The following USH2A variants were observed in gnomAD, a reference collection of about 807,000 sequenced individuals.
USH2A encodes Usher syndrome 2A (autosomal recessive, mild).
A neutral mutation model predicts 538.9 loss-of-function variants in USH2A; 443 were observed. That is an observed-to-expected ratio of 0.82 (90% CI 0.76 to 0.89). The LOEUF (loss-of-function observed/expected upper bound fraction) is 0.89, where lower values mean the gene tolerates loss of function less well. Ranked by LOEUF, USH2A falls within the 40% of genes least tolerant of loss-of-function variation. The pLI is 0.00. For synonymous variants in USH2A, 2,413 were observed against 2,273.5 expected, an observed-to-expected ratio of 1.06 and a Z score of -1.75; for missense variants, 6,633 against 6,324.8, an observed-to-expected ratio of 1.05 and a Z score of -1.65.
intron 35 of USH2A, among the ~76,000 whole-genome samples, chr1:215,978,246 T>A (rs772916214): frequency 1.9e-4 from 29 of 152,212 alleles, no homozygotes; most frequent in Non-Finnish European, 3.4e-4. Context: ...TTGTTGTCAT[T>A]GCTGTAAAGA....
chr1:216,030,047 A>G (rs1376261528), intron 32 of USH2A, among the ~76,000 whole-genome samples: 4 of 146,276 alleles, frequency 2.7e-5, no homozygotes, highest in Non-Finnish European at 6.0e-5. Flanking sequence ...AATATATGGT[A>G]TATATGATAT....
intron 11 of USH2A, among the ~76,000 whole-genome samples, chr1:216,261,462 A>G (rs2036369987): frequency 6.6e-6 from 1 of 151,602 alleles, no homozygotes; most frequent in African/African-American, 2.4e-5. Context: ...AAAAAAAAAA[A>G]AAGGCTGGAA....
At position 216,422,326 on chromosome 1, in the gene USH2A, G is replaced by T. The variant is rs1345731215; in HGVS notation, c.11C>A (p.Pro4Gln). The T allele has an allele frequency of 1.9e-6, 3 of 1,613,536 alleles. No individual in the cohort carries two copies. Among genetic ancestry groups the T allele is most frequent in the South Asian group, 1.1e-5 (1 of 91,068 alleles). The stretch of plus-strand genomic sequence containing the variant: ...GAAGCCAGAGCCCAATGAAAGAACT[G>T]GGCAATTCATGTTTACAAAAAAGCA... The part of the protein sequence containing the change: MNC[P>Q]VLSLGSGFLF... Residue 4 changes from proline (P) to glutamine (Q), a missense_variant, in exon 2 of 72, where the codon CCA becomes CAA. Transcript: ENST00000307340.
chr1:215,948,645 A>T (rs940996164), intron 37 of USH2A, among the ~76,000 whole-genome samples: 1 of 152,044 alleles, frequency 6.6e-6, no homozygotes, highest in Non-Finnish European at 1.5e-5. Context: ...TTGAATATTT[A>T]GAAACACCCA....
chr1:216,042,225 T>G (rs2030307848), intron 32 of USH2A, among the ~76,000 whole-genome samples: 1 of 152,052 alleles, frequency 6.6e-6, no homozygotes, highest in Admixed American at 6.6e-5. Flanking sequence ...TATAGCTCAA[T>G]TTTGTTAACA....
chr1:216,207,224 G>A, intron 16 of USH2A, 49 bp downstream of exon 16: 1 of 1,603,776 alleles, frequency 6.2e-7, no homozygotes, highest in South Asian at 1.1e-5. Flanking sequence ...CTTAACTAAT[G>A]TGTCAATTCT....
intron 4 of USH2A, among the ~76,000 whole-genome samples, chr1:216,337,288 T>C (rs2037992189): frequency 6.6e-6 from 1 of 151,408 alleles, no homozygotes. Flanking sequence ...AAGATATTCT[T>C]TTGATGCTAA....
chr1:216,236,807 T>C (rs1049221995), intron 13 of USH2A, among the ~76,000 whole-genome samples: 3 of 152,084 alleles, frequency 2.0e-5, no homozygotes, highest in Non-Finnish European at 4.4e-5. Context: ...ATATCTTAGC[T>C]CTTAAACAAA....
chr1:216,038,024 T>C (rs933266308), intron 32 of USH2A, among the ~76,000 whole-genome samples: 8 of 152,016 alleles, frequency 5.3e-5, no homozygotes, highest in Non-Finnish European at 1.2e-4. Context: ...AGTGAACCAA[T>C]TGAGATGTGT....
chr1:216,086,207 C>A lies in USH2A; in HGVS notation c.4987+512G>T, dbSNP rs1435003279. 2.0e-5 allele frequency among the ~76,000 whole-genome samples: 3 copies of A among 152,010 alleles called. No individual in the cohort carries two copies. In the East Asian group the frequency reaches 5.8e-4, roughly 29 times the overall value. On this transcript the variant is annotated intron_variant, in intron 24 of 71. Coordinates refer to ENST00000307340, the MANE Select transcript of USH2A (RefSeq NM_206933.4). Reference sequence around the variant, plus strand: ...CACTTTGTCTATAGCTCAATTATAGCACTAATGGCATTAGGCTGGAATTGT... The same window carrying A: ...CACTTTGTCTATAGCTCAATTATAGAACTAATGGCATTAGGCTGGAATTGT...
chr1:216,058,746 T>TAG lies in USH2A; in HGVS notation c.6050-10101_6050-10100dup, dbSNP rs563800812. ...CTGAGGAGACTTTAGTAAGGACTAG[T>TAG]AGTTCAATACTCAGTCCAACTCAGC... On this transcript the variant is annotated intron_variant, in intron 30 of 71. Transcript: ENST00000307340. Among the ~76,000 whole-genome samples, 57 of 152,324 alleles carry TAG rather than the reference T, an allele frequency of 3.7e-4. 1 individual carries two copies. The South Asian group carries it at 0.011, about 30-fold the overall frequency.
intron 44 of USH2A, among the ~76,000 whole-genome samples, chr1:215,866,697 AG>A (rs1381968991): frequency 2.0e-5 from 3 of 152,228 alleles, no homozygotes; most frequent in Non-Finnish European, 4.4e-5. Context: ...GTTCATGCAA[AG>A]GAAATGACAG....
intron 21 of USH2A, among the ~76,000 whole-genome samples, chr1:216,147,792 C>T (rs1558283835): frequency 6.6e-6 from 1 of 151,288 alleles, no homozygotes; most frequent in Admixed American, 6.6e-5. Flanking sequence ...AGGCATTCCT[C>T]CAGAACCTCC....
chr1:216,260,368 T>A (rs2036346628), intron 11 of USH2A, among the ~76,000 whole-genome samples: 1 of 152,180 alleles, frequency 6.6e-6, no homozygotes, highest in Non-Finnish European at 1.5e-5. Context: ...GACTTGAAGA[T>A]AATGAAACAT....
chr1:215,805,952 G>C (rs1240429079), intron 49 of USH2A, among the ~76,000 whole-genome samples: 1 of 142,220 alleles, frequency 7.0e-6, no homozygotes, highest in Non-Finnish European at 1.5e-5. Context: ...CACCTACTTT[G>C]CCTTTATTAG....
Position 215,877,496 on chromosome 1 carries a change from C to T in USH2A, c.8681+262G>A, listed in dbSNP as rs56086749. On this transcript the variant is annotated intron_variant, in intron 43 of 71. Transcript: ENST00000307340. ...ATAACGTTTTATGTCTAGATGGAGC[C>T]GTGACAAAGGCAATAGGTTAAGGCT... Among the ~76,000 whole-genome samples, 1,937 of 152,106 alleles carry T rather than the reference C, an allele frequency of 0.013. 14 individuals carry two copies. Among genetic ancestry groups the T allele is most frequent in the Non-Finnish European group, 0.021 (1,428 of 67,990 alleles).
At chr1:215,778,737 G>T (rs752683454) in intron 55 of USH2A, among the ~76,000 whole-genome samples, 6 of 152,168 alleles carry the variant, frequency 3.9e-5, no homozygotes, top group Non-Finnish European at 7.3e-5. Flanking sequence ...GGGAAAAAAG[G>T]GAAAGTTTAT....
chr1:215,810,939 T>C (rs942285427), intron 49 of USH2A, among the ~76,000 whole-genome samples: 2 of 152,142 alleles, frequency 1.3e-5, no homozygotes. Flanking sequence ...ACTTTTTTTT[T>C]CTATTAATTA....
At chr1:216,385,218 C>T (rs1049441703) in intron 3 of USH2A, among the ~76,000 whole-genome samples, 4 of 152,134 alleles carry the variant, frequency 2.6e-5, no homozygotes, top group Non-Finnish European at 4.4e-5. Context: ...TACTTGCTCC[C>T]AGCAATGAGG....
Sources: gnomAD v4.1 joint callset for allele counts (sites outside exome capture counted in the v4.1 genomes callset) on GRCh38, gnomAD v4.1.1 for gene constraint, MANE v1.5 for transcripts, NCBI Gene and HGNC (gene_info 2026-07-23, HGNC 2026-07-21) for gene names.